RINT1: variants seen among roughly 807,000 people sequenced by gnomAD.
RINT1 encodes RAD50-interacting protein 1.
In RINT1, 75 loss-of-function variants were observed where a neutral mutation model predicts 97.7. That is an observed-to-expected ratio of 0.77 (90% CI 0.64 to 0.93). RINT1 has a LOEUF of 0.93. Ranked by LOEUF, RINT1 falls within the 40% of genes least tolerant of loss-of-function variation. The probability of loss-of-function intolerance (pLI) is 0.00; values close to 1 mark genes in which losing one functional copy is unlikely to be tolerated. For synonymous variants in RINT1, 303 were observed against 326.3 expected (o/e 0.93, Z 0.77); for missense variants, 892 against 925.2 (o/e 0.96, Z 0.47).
chr7:105,565,630 C>G lies in RINT1; in HGVS notation c.2168C>G (p.Pro723Arg), dbSNP rs1358955017. The G allele has an allele frequency of 1.2e-6, 2 of 1,605,386 alleles. No individual in the cohort carries two copies. The highest frequency in any genetic ancestry group is 1.7e-6 in the Non-Finnish European group (2 of 1,173,192). ...FPLFSHYCKR[P>R]ENYFKHIKEA... ...TTGTTTTCTCACTATTGCAAGAGAC[C>G]AGAAAATTATTTTAAACAGTAAGCT... is the stretch of plus-strand genomic sequence containing the variant. The change falls in exon 14 of 15, where the codon CCA (proline) becomes CGA (arginine). Residue 723 changes from proline (P) to arginine (R), a missense_variant. Transcript: ENST00000257700.
chr7:105,541,961 C>T (rs148245867), intron 3 of RINT1: 1 of 152,806 alleles, frequency 6.5e-6, no homozygotes, highest in African/African-American at 2.4e-5. Context: ...AACACAAAGG[C>T]ATACTTCTTC....
Position 105,550,286 on chromosome 7 carries a change from T to C in RINT1, c.1133T>C (p.Met378Thr), listed in dbSNP as rs1172759384. The change falls in exon 9 of 15, where the codon ATG becomes ACG. Residue 378 changes from methionine (M) to threonine (T), a missense_variant. Physicochemically the swap from Met to Thr is moderately conservative, Grantham distance 81. Coordinates refer to ENST00000257700, the MANE Select transcript of RINT1 (RefSeq NM_021930.6). The stretch of plus-strand genomic sequence containing the variant: ...CTTGAATTTTCTCGGGGCCTTATGA[T>C]GCTGGTTCTTGAGAAGTTAGCCACT... Reference protein sequence around the residue: ...ARLEFSRGLMMLVLEKLATDI... With the variant: ...ARLEFSRGLMTLVLEKLATDI... 1.9e-6 allele frequency: 3 copies of C among 1,614,026 alleles called. No individual in the cohort carries two copies. The highest frequency in any genetic ancestry group is 2.5e-6 in the Non-Finnish European group (3 of 1,180,026).
intron 3 of RINT1, among the ~76,000 whole-genome samples, chr7:105,538,015 C>T (rs774548492): frequency 4.6e-5 from 7 of 151,378 alleles, no homozygotes; most frequent in Non-Finnish European, 8.8e-5. Flanking sequence ...TTTTTTGAGA[C>T]GGAGTCTGAC....
rs756782980 is a variant in RINT1, at chr7:105,563,962, T to G, written c.1886+15T>G. 6.3e-7 allele frequency: 1 copy of G among 1,580,648 alleles called. No individual in the cohort carries two copies. The highest frequency in any genetic ancestry group is 8.7e-7 in the Non-Finnish European group (1 of 1,150,576). On this transcript the variant is annotated intron_variant, in intron 12 of 14. Transcript: ENST00000257700. ...AAAAAAGAAAGGTATGTCCTCTATG[T>G]AAGTCAGCTCTTAACACCAGTTTGG...
In RINT1 at chr7:105,532,355, C is replaced by T. The variant is rs2133347285; in HGVS notation, c.40C>T (p.Pro14Ser). 6.2e-7 allele frequency: 1 copy of T among 1,601,464 alleles called. No individual in the cohort carries two copies. The change falls in exon 1 of 15, where the codon CCG (proline) becomes TCG (serine). Residue 14 changes from proline to serine, a missense_variant and splice_region_variant. By Grantham distance (74) the Pro-to-Ser change is moderately conservative. Transcript: ENST00000257700. ...CGAGATCGGCGCCTCTCCTGCAGCC[C>T]CGGTGAGACGGCCCTGGCGTCCCTG... Reference protein sequence around the residue: ...AGEIGASPAAPCCSESGDERK... With the variant: ...AGEIGASPAASCCSESGDERK...
intron 11 of RINT1, among the ~76,000 whole-genome samples, chr7:105,563,050 A>G (rs1324548924): frequency 6.6e-6 from 1 of 150,940 alleles, no homozygotes; most frequent in African/African-American, 2.4e-5. Context: ...ATATAATGGA[A>G]TATTACCTGG....
intron 9 of RINT1, among the ~76,000 whole-genome samples, chr7:105,551,047 G>C (rs187444691): frequency 1.3e-5 from 2 of 151,952 alleles, no homozygotes; most frequent in Admixed American, 1.3e-4. Flanking sequence ...TTTTATTTTT[G>C]AGATAGGGTC....
intron 10 of RINT1, among the ~76,000 whole-genome samples, chr7:105,553,318 TGG>T (rs2133415989): frequency 6.6e-6 from 1 of 152,024 alleles, no homozygotes; most frequent in South Asian, 2.1e-4. Flanking sequence ...CTCCGCCTCC[TGG>T]GTCCAAGCAA....
intron 11 of RINT1, among the ~76,000 whole-genome samples, chr7:105,563,263 A>G (rs914041457): frequency 3.3e-5 from 5 of 152,192 alleles, no homozygotes; most frequent in African/African-American, 1.2e-4. Flanking sequence ...GGGAGTGGGG[A>G]GACGGTATTA....
intron 7 of RINT1, among the ~76,000 whole-genome samples, chr7:105,548,997 T>C (rs925965932): frequency 6.6e-6 from 1 of 152,014 alleles, no homozygotes; most frequent in Non-Finnish European, 1.5e-5. Flanking sequence ...TTTCTTTTTT[T>C]TTTTTTGTGA....
chr7:105,551,745 G>A (rs1790937572), intron 10 of RINT1, 38 bp downstream of exon 10: 3 of 1,548,336 alleles, frequency 1.9e-6, no homozygotes, highest in Non-Finnish European at 2.6e-6. Context: ...TGTTTTAAAA[G>A]TACTGTTTTC....
chr7:105,566,105 C>T (rs901542638), intron 14 of RINT1, among the ~76,000 whole-genome samples: 1 of 68,724 alleles, frequency 1.5e-5, no homozygotes, highest in Non-Finnish European at 2.9e-5. Flanking sequence ...CCCATCTCTA[C>T]TAAAAATACC....
intron 7 of RINT1, among the ~76,000 whole-genome samples, chr7:105,549,559 G>C (rs1237582897): frequency 6.6e-6 from 1 of 151,826 alleles, no homozygotes; most frequent in Non-Finnish European, 1.5e-5. Flanking sequence ...ATGTTGACCA[G>C]TCTGGTCTTG....
chr7:105,539,688 A>T (rs2133365539), intron 3 of RINT1, among the ~76,000 whole-genome samples: 1 of 152,178 alleles, frequency 6.6e-6, no homozygotes, highest in South Asian at 2.1e-4. Context: ...ACTCTTGCTG[A>T]TACCATGTTA....
rs555491978 is a variant in RINT1, at chr7:105,552,706, C to T, written c.1471+999C>T. Among the ~76,000 whole-genome samples the T allele has an allele frequency of 5.0e-5, 6 of 119,924 alleles. No individual in the cohort carries two copies. The South Asian group carries it at 1.4e-3, about 29-fold the overall frequency. The allele number at this position is 119,924 out of a possible 152,430, so 78.7% of individuals were successfully genotyped here. A position where few individuals can be genotyped will look rare whatever the true frequency, so the allele number is the denominator to read the frequency against. On this transcript the variant is annotated intron_variant, in intron 10 of 14. Coordinates refer to ENST00000257700, the MANE Select transcript of RINT1 (RefSeq NM_021930.6). ...TTTTTTTTTTTGAGATGGAGTCTCA[C>T]TCTGTCACCCAGGCTGGAGTGCAGT...
chr7:105,534,543 A>T (rs1386249360), intron 2 of RINT1, among the ~76,000 whole-genome samples: 2 of 149,916 alleles, frequency 1.3e-5, no homozygotes, highest in East Asian at 3.9e-4. Context: ...GTAGATTATT[A>T]TACGTTAATA....
chr7:105,532,820 C>T lies in RINT1; in HGVS notation c.43-4C>T. On this transcript the variant is annotated splice_region_variant and splice_polypyrimidine_tract_variant and intron_variant, in intron 1 of 14. Transcript: ENST00000257700. ...TGTGCTTGTCACATCTGTTCTTCTT[C>T]TAGTGCTGCTCTGAAAGTGGTGACG... 8 of 1,613,984 alleles carry T rather than the reference C, an allele frequency of 5.0e-6. No individual in the cohort carries two copies. The South Asian group carries it at 7.7e-5, about 16-fold the overall frequency.
chr7:105,551,166 G>A (rs1180592660), intron 9 of RINT1, among the ~76,000 whole-genome samples: 1 of 152,064 alleles, frequency 6.6e-6, no homozygotes, highest in Non-Finnish European at 1.5e-5. Context: ...GTAGCTGGGA[G>A]TATAGGTATA....
In RINT1 at chr7:105,542,445, G is replaced by C; in HGVS notation, c.311G>C (p.Arg104Pro). The C allele has an allele frequency of 1.2e-6, 2 of 1,611,784 alleles. No individual in the cohort carries two copies. Among genetic ancestry groups the C allele is most frequent in the Admixed American group, 3.3e-5 (2 of 59,934 alleles). Residue 104 changes from arginine to proline, a missense_variant, in exon 4 of 15, where the codon CGA becomes CCA. Arg to Pro is a moderately radical substitution (Grantham distance 103). Transcript: ENST00000257700. ...TISSEIPKRIRSALKNAEESK... is the reference protein window; with the variant it reads ...TISSEIPKRIPSALKNAEESK... ...TCATCAGAAATTCCTAAAAGAATTCGAAGTGCCTTAAAAAATGCAGAAGAA... is the reference window on the plus strand; with the variant it reads ...TCATCAGAAATTCCTAAAAGAATTCCAAGTGCCTTAAAAAATGCAGAAGAA...
Sources: gnomAD v4.1 joint callset for allele counts (sites outside exome capture counted in the v4.1 genomes callset) on GRCh38, gnomAD v4.1.1 for gene constraint, MANE v1.5 for transcripts, NCBI Gene and HGNC (gene_info 2026-07-23, HGNC 2026-07-21) for gene names.